Variants in DPH6 observed in about 807,000 individuals in gnomAD.
The protein encoded by DPH6 is diphthamine biosynthesis 6.
A neutral mutation model predicts 38.2 loss-of-function variants in DPH6; 33 were observed. That is an observed-to-expected ratio of 0.86 (90% CI 0.65 to 1.15). The LOEUF is 1.15. DPH6 is among the 50% of genes most tolerant of loss of function. DPH6 has a pLI of 0.00. For missense variants in DPH6, 325 were observed against 320.0 expected (o/e 1.02, Z -0.12); for synonymous variants, 108 against 103.0 (o/e 1.05, Z -0.30).
chr15:35,321,875 C>T lies in DPH6; in HGVS notation n.200+51646G>A, dbSNP rs556959791. ...GCATTGTAGTAGAGAAAGAGTTTAA[C>T]TGACGGGAACCTCGCCCACACAGGA... On this transcript the variant is annotated intron_variant and non_coding_transcript_variant, in intron 3 of 3. Transcript: ENST00000560386. Among the ~76,000 whole-genome samples the T allele has an allele frequency of 8.5e-5, 13 of 152,282 alleles. No individual in the cohort carries two copies. In the South Asian group the frequency reaches 1.5e-3, roughly 17 times the overall value.
At chr15:35,149,975 T>C in the DPH6 span, among the ~76,000 whole-genome samples, 2 of 152,234 alleles carry the variant, frequency 1.3e-5, no homozygotes, top group Non-Finnish European at 2.9e-5. Context: ...TCATGTTAAC[T>C]ACATATGCGA....
intron 3 of DPH6, among the ~76,000 whole-genome samples, chr15:35,252,592 T>A (rs534420169): frequency 2.6e-5 from 4 of 152,368 alleles, no homozygotes; most frequent in Non-Finnish European, 5.9e-5. Flanking sequence ...TGGAGGGTTA[T>A]ATAACGTGAC....
the DPH6 span, among the ~76,000 whole-genome samples, chr15:35,185,027 A>T: frequency 1.3e-5 from 2 of 152,268 alleles, no homozygotes; most frequent in African/African-American, 4.8e-5. Context: ...ATAGACTTGA[A>T]TTGAAAGTGA....
chr15:35,438,709 G>A (rs2053748192), intron 5 of DPH6, among the ~76,000 whole-genome samples: 1 of 152,118 alleles, frequency 6.6e-6, no homozygotes, highest in African/African-American at 2.4e-5. Context: ...AGGAAAATAA[G>A]CACCTAGATC....
chr15:35,392,455 C>T (rs1170992552), intron 6 of DPH6, among the ~76,000 whole-genome samples: 2 of 150,810 alleles, frequency 1.3e-5, no homozygotes, highest in African/African-American at 4.9e-5. Flanking sequence ...TTCACCTCCA[C>T]CTAGAGGAAA....
At chr15:35,387,111 T>C (rs1208058138) in intron 6 of DPH6, among the ~76,000 whole-genome samples, 3 of 152,220 alleles carry the variant, frequency 2.0e-5, no homozygotes, top group Admixed American at 6.5e-5. Flanking sequence ...CCTTTCCCCA[T>C]TGCTTGTTTT....
At chr15:35,470,165 T>C (rs915617979) in intron 3 of DPH6, among the ~76,000 whole-genome samples, 2 of 152,052 alleles carry the variant, frequency 1.3e-5, no homozygotes, top group African/African-American at 4.8e-5. Flanking sequence ...ACCACTACAC[T>C]TCCAGCCTGG....
At chr15:35,358,641 A>T (rs1388214299) in intron 3 of DPH6, among the ~76,000 whole-genome samples, 1 of 151,970 alleles carries the variant, frequency 6.6e-6, no homozygotes, top group African/African-American at 2.4e-5. Context: ...AACTGCAGTG[A>T]TTGTTGTCTC....
intron 3 of DPH6, among the ~76,000 whole-genome samples, chr15:35,252,774 T>C (rs1197972735): frequency 6.6e-6 from 1 of 152,262 alleles, no homozygotes; most frequent in Non-Finnish European, 1.5e-5. Flanking sequence ...TCCTGATTTA[T>C]AGATATTTTG....
chr15:35,350,850 A>G (rs2052504500), intron 3 of DPH6, among the ~76,000 whole-genome samples: 1 of 152,194 alleles, frequency 6.6e-6, no homozygotes, highest in Admixed American at 6.5e-5. Flanking sequence ...GTGGCCTAAC[A>G]TGTCATCTTT....
chr15:35,228,804 T>A (rs114889203), intron 3 of DPH6, among the ~76,000 whole-genome samples: 1,708 of 152,300 alleles, frequency 0.011, 35 homozygotes, highest in African/African-American at 0.04. Context: ...TTCCTTCATG[T>A]TGGAAGGATA....
At chr15:35,540,353 A>G (rs1249215740) in intron 2 of DPH6, among the ~76,000 whole-genome samples, 3 of 152,104 alleles carry the variant, frequency 2.0e-5, no homozygotes, top group African/African-American at 7.2e-5. Flanking sequence ...ATCCTCATTG[A>G]TGGGAATAAA....
chr15:35,425,650 A>C (rs1194116392), intron 5 of DPH6, among the ~76,000 whole-genome samples: 1 of 143,346 alleles, frequency 7.0e-6, no homozygotes, highest in Non-Finnish European at 1.5e-5. Context: ...ATCCATATAT[A>C]AGATATATAT....
intron 7 of DPH6, among the ~76,000 whole-genome samples, chr15:35,374,427 T>C (rs1411530454): frequency 1.3e-5 from 2 of 152,114 alleles, no homozygotes; most frequent in Admixed American, 6.6e-5. Context: ...AATCCTGACA[T>C]TGACATTTTG....
At chr15:35,170,579 T>C in the DPH6 span, among the ~76,000 whole-genome samples, 2 of 152,142 alleles carry the variant, frequency 1.3e-5, no homozygotes, top group African/African-American at 4.8e-5. Flanking sequence ...TCACTACAAA[T>C]AGGTACAAAC....
At chr15:35,467,746 G>A (rs760964650) in intron 3 of DPH6, among the ~76,000 whole-genome samples, 1 of 151,864 alleles carries the variant, frequency 6.6e-6, no homozygotes, top group Non-Finnish European at 1.5e-5. Context: ...GCCTTCTTGC[G>A]GAATACCTTG....
intron 3 of DPH6, among the ~76,000 whole-genome samples, chr15:35,338,009 A>C (rs948856057): frequency 5.9e-5 from 9 of 151,928 alleles, no homozygotes; most frequent in African/African-American, 2.2e-4. Flanking sequence ...TCCCTTCCTT[A>C]CACCTTATAC....
Position 35,279,048 on chromosome 15 carries a change from C to CAAAAAAAAA in DPH6, n.201-58475_201-58467dup, listed in dbSNP as rs71123126. Among the ~76,000 whole-genome samples the CAAAAAAAAA allele has an allele frequency of 1.3e-4, 9 of 70,686 alleles. 1 individual carries two copies. Among genetic ancestry groups the CAAAAAAAAA allele is most frequent in the African/African-American group, 5.3e-4 (8 of 15,202 alleles). The allele number at this position is 70,686 out of a possible 152,430, so 46.4% of individuals were successfully genotyped here. A position where few individuals can be genotyped will look rare whatever the true frequency, so the allele number is the denominator to read the frequency against. On this transcript the variant is annotated intron_variant and non_coding_transcript_variant, in intron 3 of 3. Transcript: ENST00000560386. ...TCAGTGACAGAGTGAGACTCTGTCTCAAAAAAAAAAAAAAAAAAAAATATA... is the reference window on the plus strand; with the variant it reads ...TCAGTGACAGAGTGAGACTCTGTCTCAAAAAAAAAAAAAAAAAAAAAAAAAAAAAATATA...
chr15:35,397,758 T>G (rs920321496), intron 6 of DPH6, among the ~76,000 whole-genome samples: 2 of 152,082 alleles, frequency 1.3e-5, no homozygotes, highest in African/African-American at 4.8e-5. Context: ...GGCAGAATGC[T>G]GGAGGTTTAT....
Sources: gnomAD v4.1 joint callset for allele counts (sites outside exome capture counted in the v4.1 genomes callset) on GRCh38, gnomAD v4.1.1 for gene constraint, MANE v1.5 for transcripts, NCBI Gene and HGNC (gene_info 2026-07-23, HGNC 2026-07-21) for gene names.